ZC3H14: variants seen among roughly 807,000 people sequenced by gnomAD.
ZC3H14 encodes zinc finger CCCH-type containing 14, also known as zinc finger CCCH domain-containing protein 14.
Under a neutral mutation model 92.4 loss-of-function variants are expected in ZC3H14, and 31 were observed. The observed-to-expected ratio is 0.34, with a 90% CI of 0.25 to 0.45. The LOEUF is 0.45. ZC3H14 is among the 20% of genes least tolerant of loss of function. ZC3H14 has a pLI of 1.00. For missense variants in ZC3H14, 781 were observed against 897.3 expected (o/e 0.87, Z 1.66); for synonymous variants, 321 against 300.9 (o/e 1.07, Z -0.69).
At position 88,563,111 on chromosome 14, in the gene ZC3H14, G is replaced by A; in HGVS notation, c.-23G>A. 1 of 1,582,326 alleles carries A rather than the reference G, an allele frequency of 6.3e-7. No homozygotes were observed. The highest frequency in any genetic ancestry group is 8.6e-7 in the Non-Finnish European group (1 of 1,169,332). ...GGTAAGCCAAGCGCCGCGCAGTGCT[G>A]AGTTCCCGCACGCCGCAGAGCCATG... is the stretch of plus-strand genomic sequence containing the variant. On this transcript the variant is annotated 5_prime_UTR_variant, in exon 1 of 17. Coordinates refer to ENST00000251038, the MANE Select transcript of ZC3H14 (RefSeq NM_024824.5).
rs1395850809 is a variant in ZC3H14, at chr14:88,615,023, C to G, written c.*3272C>G. On this transcript the variant is annotated 3_prime_UTR_variant, in exon 17 of 17. Coordinates refer to ENST00000251038, the MANE Select transcript of ZC3H14 (RefSeq NM_024824.5). ...TCTTCCAGTTAAATACTGTTGCTCC[C>G]TAAAACCCTTACATTGTACACCATT... 1 of 152,148 alleles carries G rather than the reference C, an allele frequency of 6.6e-6. No homozygotes were observed. Among genetic ancestry groups the G allele is most frequent in the Non-Finnish European group, 1.5e-5 (1 of 68,032 alleles). The allele number at this position is 152,148 out of a possible 1,614,324, so 9.4% of individuals were successfully genotyped here. A position where few individuals can be genotyped will look rare whatever the true frequency, so the allele number is the denominator to read the frequency against.
At chr14:88,605,300 C>T (rs921813061) in intron 12 of ZC3H14, among the ~76,000 whole-genome samples, 5 of 152,164 alleles carry the variant, frequency 3.3e-5, no homozygotes, top group South Asian at 2.1e-4. Context: ...TCTTTGGAAC[C>T]GATTATTCTT....
intron 7 of ZC3H14, among the ~76,000 whole-genome samples, chr14:88,575,291 C>G (rs142464381): frequency 6.6e-6 from 1 of 151,938 alleles, no homozygotes; most frequent in Non-Finnish European, 1.5e-5. Flanking sequence ...TTGAGAAACA[C>G]GTTAATGAGA....
Position 88,617,414 on chromosome 14 carries a change from T to G in ZC3H14, c.*5663T>G, listed in dbSNP as rs1338783594. 1.3e-5 allele frequency: 2 copies of G among 152,648 alleles called. No homozygotes were observed. Among genetic ancestry groups the G allele is most frequent in the Admixed American group, 1.3e-4 (2 of 15,312 alleles). 9.5% of individuals were successfully genotyped at this position (152,648 alleles called of 1,614,324 possible). On this transcript the variant is annotated 3_prime_UTR_variant, in exon 17 of 17. Transcript: ENST00000251038. ...ACCCCCGCTCGGCCTCCCAAAGTGCTGGGATTACAGGCTGAGCCACCGCGC... is the reference window on the plus strand; with the variant it reads ...ACCCCCGCTCGGCCTCCCAAAGTGCGGGGATTACAGGCTGAGCCACCGCGC...
Position 88,616,896 on chromosome 14 carries a change from A to C in ZC3H14, c.*5145A>C. ...CCTAGAATACTAGAGGGAAGGAACA[A>C]AAGAAAACTCATCATGGCAAGTGCG... On this transcript the variant is annotated 3_prime_UTR_variant, in exon 17 of 17. Coordinates refer to ENST00000251038, the MANE Select transcript of ZC3H14 (RefSeq NM_024824.5). The C allele has an allele frequency of 6.2e-7, 1 of 1,610,106 alleles. No individual in the cohort carries two copies. Among genetic ancestry groups the C allele is most frequent in the Non-Finnish European group, 8.5e-7 (1 of 1,178,240 alleles).
In ZC3H14 at chr14:88,609,702, AT is replaced by A. The variant is rs2086225917; in HGVS notation, c.2006-6del. The A allele has an allele frequency of 6.2e-7, 1 of 1,613,924 alleles. No individual in the cohort carries two copies. Among genetic ancestry groups the A allele is most frequent in the African/African-American group, 1.3e-5 (1 of 74,914 alleles). On this transcript the variant is annotated splice_polypyrimidine_tract_variant and intron_variant, in intron 14 of 16. Transcript: ENST00000251038. The stretch of plus-strand genomic sequence containing the variant: ...AGATTGGAGATCAGTCCTGGTTTTT[AT>A]TTTGTTAGCAGTTGCACCACCAGCA...
chr14:88,578,642 C>T (rs1595583728), intron 9 of ZC3H14, among the ~76,000 whole-genome samples: 1 of 151,924 alleles, frequency 6.6e-6, no homozygotes. Flanking sequence ...TTTGTTGATC[C>T]TGCCCGTTTA....
chr14:88,609,191 A>C (rs1301231153), intron 13 of ZC3H14, 76 bp from the exon 14 acceptor site: 1 of 1,588,748 alleles, frequency 6.3e-7, no homozygotes, highest in Admixed American at 1.7e-5. Context: ...TGGGGAGTGT[A>C]AAGAGCCCTT....
intron 9 of ZC3H14, chr14:88,594,958 G>T (rs1205832615): frequency 1.2e-6 from 2 of 1,613,808 alleles, no homozygotes; most frequent in African/African-American, 1.3e-5. Context: ...GTCCAAGAAT[G>T]AAGCAAAAAT....
At chr14:88,571,259 CT>C in intron 4 of ZC3H14, 135 bp downstream of exon 4, 1 of 652,400 alleles carries the variant, frequency 1.5e-6, no homozygotes, top group Non-Finnish European at 2.5e-6. Flanking sequence ...AAAGCACATA[CT>C]TTTATGAACT....
rs2087112974 is a variant in ZC3H14 at position 88,613,341 on chromosome 14, G to A, written c.*1590G>A. On this transcript the variant is annotated 3_prime_UTR_variant, in exon 17 of 17. Transcript: ENST00000251038. Reference sequence around the variant, plus strand: ...CAGTGTTGAGATGCTTTGCATCTCTGCAGAAGAAATTTATTTTAAATTGTT... The same window carrying A: ...CAGTGTTGAGATGCTTTGCATCTCTACAGAAGAAATTTATTTTAAATTGTT... The A allele has an allele frequency of 6.6e-6, 1 of 152,130 alleles. No homozygotes were observed. The highest frequency in any genetic ancestry group is 2.4e-5 in the African/African-American group (1 of 41,430). 9.4% of individuals were successfully genotyped at this position (152,130 alleles called of 1,614,324 possible).
chr14:88,571,683 C>T (rs985057216), intron 4 of ZC3H14, among the ~76,000 whole-genome samples: 4 of 152,088 alleles, frequency 2.6e-5, no homozygotes, highest in South Asian at 2.1e-4. Context: ...AATAGATGGC[C>T]GGGCACGGTG....
chr14:88,603,158 T>G, intron 12 of ZC3H14, 98 bp downstream of exon 12: 2 of 1,167,356 alleles, frequency 1.7e-6, no homozygotes, highest in East Asian at 2.5e-5. Context: ...AGGCCTTGCT[T>G]TTATTTATAT....
At chr14:88,577,147 T>C (rs1331665974) in intron 8 of ZC3H14, among the ~76,000 whole-genome samples, 1 of 152,190 alleles carries the variant, frequency 6.6e-6, no homozygotes. Context: ...TCCTCATCCC[T>C]AATTTAACCT....
In ZC3H14 at chr14:88,616,810, A is replaced by G; in HGVS notation, c.*5059A>G. On this transcript the variant is annotated 3_prime_UTR_variant, in exon 17 of 17. Coordinates refer to ENST00000251038, the MANE Select transcript of ZC3H14 (RefSeq NM_024824.5). The stretch of plus-strand genomic sequence containing the variant: ...CAAGACTGATTCCTGAATGAGATAC[A>G]CAGGCACAGTTGACATCAGCTTTCT... 2 of 1,613,976 alleles carry G rather than the reference A, an allele frequency of 1.2e-6. No homozygotes were observed.
In ZC3H14 at chr14:88,569,597, A is replaced by AG. The variant is rs537093451; in HGVS notation, c.194+1446dup. 1.8e-3 allele frequency among the ~76,000 whole-genome samples: 270 copies of AG among 152,274 alleles called. 1 individual carries two copies. Among genetic ancestry groups the AG allele is most frequent in the African/African-American group, 6.3e-3 (260 of 41,558 alleles). ...GAATAGACAGACGAAATACTTTATT[A>AG]GGCTTCTCAGGCTAGGAACTACCAG... On this transcript the variant is annotated intron_variant, in intron 3 of 16. Transcript: ENST00000251038.
At chr14:88,563,323 C>T (rs2079108446) in intron 1 of ZC3H14, 154 bp downstream of exon 1, 2 of 1,511,650 alleles carry the variant, frequency 1.3e-6, no homozygotes, top group East Asian at 2.5e-5. Flanking sequence ...CAGGCCGCCT[C>T]GGCCCTGGGG....
intron 9 of ZC3H14, among the ~76,000 whole-genome samples, chr14:88,592,852 C>T (rs2083325008): frequency 6.6e-6 from 1 of 152,096 alleles, no homozygotes; most frequent in Admixed American, 6.6e-5. Context: ...AACTTGCATC[C>T]TTGTATGTTG....
At chr14:88,582,957 T>A (rs1180088280) in intron 9 of ZC3H14, among the ~76,000 whole-genome samples, 1 of 152,158 alleles carries the variant, frequency 6.6e-6, no homozygotes, top group Non-Finnish European at 1.5e-5. Flanking sequence ...TCTTTATTTT[T>A]ACTAGCGCAC....
Sources: allele counts gnomAD v4.1 joint callset (sites outside exome capture counted in the v4.1 genomes callset), GRCh38; gene constraint gnomAD v4.1.1; transcripts MANE v1.5; gene names NCBI Gene and HGNC (gene_info 2026-07-23, HGNC 2026-07-21).